NDRG3: variants seen among roughly 807,000 people sequenced by gnomAD.
NDRG3 encodes the protein protein NDRG3.
A neutral mutation model predicts 57.2 loss-of-function variants in NDRG3; 23 were observed. The ratio of observed to expected loss-of-function variants is 0.40; its 90% CI spans 0.29 to 0.57. The LOEUF (loss-of-function observed/expected upper bound fraction) is 0.57, where lower values mean the gene tolerates loss of function less well. NDRG3 is among the 20% of genes least tolerant of loss of function. NDRG3 has a pLI of 0.42. For missense variants in NDRG3, 384 were observed against 457.3 expected (o/e 0.84, Z 1.46); for synonymous variants, 132 against 162.6 (o/e 0.81, Z 1.43).
chr20:36,718,045 C>T (rs780314007), intron 2 of NDRG3, among the ~76,000 whole-genome samples: 36 of 152,220 alleles, frequency 2.4e-4, no homozygotes, highest in Admixed American at 1.1e-3. Flanking sequence ...TCCTAGCCTT[C>T]GTTTACTCAC....
chr20:36,711,487 G>A (rs1568659614), intron 2 of NDRG3, among the ~76,000 whole-genome samples: 1 of 152,078 alleles, frequency 6.6e-6, no homozygotes, highest in Non-Finnish European at 1.5e-5. Flanking sequence ...AGAATATAGA[G>A]CCACAAATTC....
intron 7 of NDRG3, among the ~76,000 whole-genome samples, chr20:36,681,375 CGCCT>C (rs1949765001): frequency 2.0e-5 from 3 of 152,002 alleles, no homozygotes; most frequent in African/African-American, 7.2e-5. Flanking sequence ...CGGTGGCTCA[CGCCT>C]GTAATCTCCG....
intron 3 of NDRG3, among the ~76,000 whole-genome samples, chr20:36,694,010 A>T (rs375444862): frequency 3.3e-5 from 5 of 152,314 alleles, no homozygotes; most frequent in South Asian, 2.1e-4. Flanking sequence ...CTTACAATAA[A>T]GTAAGCTAAA....
intron 7 of NDRG3, among the ~76,000 whole-genome samples, chr20:36,681,683 C>T (rs531020450): frequency 3.0e-4 from 45 of 148,110 alleles, no homozygotes; most frequent in Admixed American, 3.0e-3. Context: ...AGCTCTCTAG[C>T]TTATTTAATT....
intron 2 of NDRG3, 71 bp from the exon 3 acceptor site, chr20:36,707,078 TCA>T: frequency 7.1e-7 from 1 of 1,404,240 alleles, no homozygotes; most frequent in South Asian, 1.2e-5. Flanking sequence ...CACATTCAGT[TCA>T]CAGTGACAGC....
chr20:36,693,108 ATATAT>A (rs2148133664), intron 3 of NDRG3, among the ~76,000 whole-genome samples: 5 of 26,698 alleles, frequency 1.9e-4, no homozygotes, highest in African/African-American at 8.2e-4. Flanking sequence ...AAAAAAAAAT[ATATAT>A]ATATATATAT....
intron 3 of NDRG3, 41 bp downstream of exon 3, chr20:36,706,931 G>T: frequency 3.2e-6 from 5 of 1,581,786 alleles, no homozygotes; most frequent in Non-Finnish European, 3.5e-6. Context: ...ACACTGCAGA[G>T]ATCCTGTACA....
intron 9 of NDRG3, chr20:36,668,523 A>C (rs1468963371): frequency 6.6e-6 from 1 of 152,186 alleles, no homozygotes; most frequent in African/African-American, 2.4e-5. Context: ...TAACTTGCTT[A>C]CATGTTTTAA....
intron 13 of NDRG3, among the ~76,000 whole-genome samples, chr20:36,660,112 G>A (rs1437057167): frequency 6.6e-6 from 1 of 151,908 alleles, no homozygotes; most frequent in African/African-American, 2.4e-5. Flanking sequence ...GGAGGCTGAC[G>A]CAGGAGAATT....
At chr20:36,728,116 C>T (rs1310964392) in intron 1 of NDRG3, among the ~76,000 whole-genome samples, 2 of 150,814 alleles carry the variant, frequency 1.3e-5, no homozygotes, top group Non-Finnish European at 3.0e-5. Context: ...TGCAGTGGCA[C>T]GATCTCGGCT....
chr20:36,729,645 A>G (rs1985156006), intron 1 of NDRG3, among the ~76,000 whole-genome samples: 1 of 151,584 alleles, frequency 6.6e-6, no homozygotes, highest in African/African-American at 2.4e-5. Context: ...CTCTTACCTC[A>G]CCCTTCCAAG....
chr20:36,688,969 G>A (rs1239706124), intron 3 of NDRG3, among the ~76,000 whole-genome samples, 185 bp from the exon 4 acceptor site: 3 of 152,090 alleles, frequency 2.0e-5, no homozygotes, highest in Non-Finnish European at 2.9e-5. Flanking sequence ...CTAGGTGGTC[G>A]GATCACTTGA....
At chr20:36,677,814 A>C (rs1163722836) in intron 8 of NDRG3, among the ~76,000 whole-genome samples, 2 of 151,756 alleles carry the variant, frequency 1.3e-5, no homozygotes, top group Non-Finnish European at 2.9e-5. Context: ...TGTGTACCTC[A>C]CTCTTCCTGG....
intron 3 of NDRG3, among the ~76,000 whole-genome samples, chr20:36,690,100 C>T (rs897763675): frequency 6.6e-6 from 1 of 152,158 alleles, no homozygotes; most frequent in Non-Finnish European, 1.5e-5. Flanking sequence ...TTTTAGTAGG[C>T]ATTTCCACTA....
intron 1 of NDRG3, among the ~76,000 whole-genome samples, chr20:36,741,556 T>G (rs1985929522): frequency 6.6e-6 from 1 of 152,180 alleles, no homozygotes; most frequent in Admixed American, 6.5e-5. Context: ...GGTAAAAAAG[T>G]AAATTCCCCA....
At chr20:36,672,655 CCT>C (rs1381963939) in intron 8 of NDRG3, among the ~76,000 whole-genome samples, 2 of 151,974 alleles carry the variant, frequency 1.3e-5, no homozygotes. Context: ...ATGGTGAAAC[CCT>C]GTCTCTACTA....
At chr20:36,692,668 C>T (rs1982365538) in intron 3 of NDRG3, among the ~76,000 whole-genome samples, 1 of 152,034 alleles carries the variant, frequency 6.6e-6, no homozygotes. Flanking sequence ...TAATCTAAGG[C>T]TGGGGCCTTA....
rs1351613065 is a variant in NDRG3 at position 36,743,295 on chromosome 20, A to C, written c.-49+2750T>G. 2.0e-5 allele frequency among the ~76,000 whole-genome samples: 3 copies of C among 151,274 alleles called. No homozygotes were observed. The East Asian group carries it at 5.8e-4, about 29-fold the overall frequency. On this transcript the variant is annotated intron_variant, in intron 1 of 15. Coordinates refer to ENST00000349004, the MANE Select transcript of NDRG3 (RefSeq NM_032013.4). ...GATCACCTGAGGTCAGGAATTCAAG[A>C]CCAGCTTGGCCAACATGGTGAAAAT...
chr20:36,654,901 C>T (rs896678965), intron 15 of NDRG3: 4 of 778,556 alleles, frequency 5.1e-6, no homozygotes, highest in Non-Finnish European at 9.6e-6. Flanking sequence ...AAGTGGCAAC[C>T]TCAGCTGCCT....
Sources: gnomAD v4.1 joint callset for allele counts (sites outside exome capture counted in the v4.1 genomes callset) on GRCh38, gnomAD v4.1.1 for gene constraint, MANE v1.5 for transcripts, NCBI Gene and HGNC (gene_info 2026-07-23, HGNC 2026-07-21) for gene names.